NFAT5: variants seen among roughly 807,000 people sequenced by gnomAD.
NFAT5 encodes the protein nuclear factor of activated T cells 5, also known as nuclear factor of activated T-cells 5.
Under a neutral mutation model 166.5 loss-of-function variants are expected in NFAT5, and 31 were observed. The ratio of observed to expected loss-of-function variants is 0.19; its 90% CI spans 0.14 to 0.25. The LOEUF is 0.25. Among genes scored for constraint, NFAT5 ranks in the 10% least tolerant of loss-of-function variants. The pLI is 1.00. For synonymous variants in NFAT5, 612 were observed against 639.7 expected (o/e 0.96, Z 0.65); for missense variants, 1,449 against 1,821.8 (o/e 0.80, Z 3.72).
In NFAT5 at chr16:69,693,728, G is replaced by T. The variant is rs147609630; in HGVS notation, c.3903G>T (p.Lys1301Asn). ...CCATGGCTACAATGGCGTCTCCAAA[G>T]CAACCACCACCAAACATGATATTCA... is the stretch of plus-strand genomic sequence containing the variant. ...QNTMATMASP[K>N]QPPPNMIFNP... is the part of the protein sequence containing the mutation. Residue 1301 changes from lysine to asparagine, a missense_variant, in exon 13 of 15, where the codon AAG becomes AAT. Lys to Asn is a moderately conservative substitution (Grantham distance 94, BLOSUM62 0). Around this residue, in one of 7 missense-constraint regions of NFAT5, gnomAD observed 891 missense variants for 993.0 expected, o/e 0.90. Transcript: ENST00000349945. 1.2e-6 allele frequency: 2 copies of T among 1,614,170 alleles called. No individual in the cohort carries two copies. The highest frequency in any genetic ancestry group is 1.7e-6 in the Non-Finnish European group (2 of 1,180,034).
At chr16:69,594,251 G>A (rs2032652111) in intron 2 of NFAT5, among the ~76,000 whole-genome samples, 1 of 152,180 alleles carries the variant, frequency 6.6e-6, no homozygotes, top group Non-Finnish European at 1.5e-5. Flanking sequence ...GATTTAGCCT[G>A]TTGCTCCTAG....
chr16:69,581,539 G>A (rs1226590047), intron 2 of NFAT5, among the ~76,000 whole-genome samples: 1 of 152,108 alleles, frequency 6.6e-6, no homozygotes, highest in African/African-American at 2.4e-5. Context: ...CATGATGGCT[G>A]CACCATTTTT....
intron 2 of NFAT5, among the ~76,000 whole-genome samples, chr16:69,573,869 CT>C (rs774086026): frequency 0.37 from 41,545 of 111,652 alleles, 6,086 homozygotes; most frequent in East Asian, 0.55. Context: ...AAAACAGCCA[CT>C]TTTTTTTTTT....
At chr16:69,675,189 A>G (rs2036783250) in intron 9 of NFAT5, among the ~76,000 whole-genome samples, 1 of 152,246 alleles carries the variant, frequency 6.6e-6, no homozygotes, top group African/African-American at 2.4e-5. Flanking sequence ...AAGCAAGTAG[A>G]GTAAAAGTAT....
intron 5 of NFAT5, among the ~76,000 whole-genome samples, chr16:69,654,902 A>G (rs765609578): frequency 7.9e-5 from 12 of 152,228 alleles, no homozygotes; most frequent in Non-Finnish European, 1.5e-4. Flanking sequence ...AGGAGCTTCA[A>G]TGTTTAACTA....
chr16:69,656,025 A>T (rs1432431067), intron 6 of NFAT5, among the ~76,000 whole-genome samples: 3 of 152,170 alleles, frequency 2.0e-5, no homozygotes, highest in Non-Finnish European at 4.4e-5. Context: ...TCATGCCTAT[A>T]ATCCCAGTGC....
chr16:69,573,651 C>G (rs1484865717), intron 2 of NFAT5, among the ~76,000 whole-genome samples: 1 of 151,942 alleles, frequency 6.6e-6, no homozygotes, highest in East Asian at 1.9e-4. Context: ...TTTTTGTGTC[C>G]CTTCCTAAAC....
At chr16:69,648,446 C>T (rs762651611) in intron 4 of NFAT5, 14 of 983,512 alleles carry the variant, frequency 1.4e-5, no homozygotes, top group Non-Finnish European at 1.4e-5. Flanking sequence ...TGTACAGAGT[C>T]GATATTTTTT....
chr16:69,590,235 C>T (rs914074449), intron 2 of NFAT5, among the ~76,000 whole-genome samples: 2 of 152,072 alleles, frequency 1.3e-5, no homozygotes, highest in African/African-American at 2.4e-5. Flanking sequence ...TGAGTACAGA[C>T]GTTGAGTCCT....
chr16:69,689,326 A>C (rs1309427046), intron 11 of NFAT5, among the ~76,000 whole-genome samples: 1 of 152,226 alleles, frequency 6.6e-6, no homozygotes, highest in Non-Finnish European at 1.5e-5. Context: ...TATTGGTATT[A>C]GAATTTAGGT....
intron 9 of NFAT5, among the ~76,000 whole-genome samples, chr16:69,670,548 A>G (rs1555530978): frequency 6.6e-6 from 1 of 152,208 alleles, no homozygotes; most frequent in Non-Finnish European, 1.5e-5. Flanking sequence ...CTTTCCTGAT[A>G]CTTATTTTCT....
intron 2 of NFAT5, among the ~76,000 whole-genome samples, chr16:69,579,294 A>G (rs1458392323): frequency 1.3e-5 from 2 of 152,216 alleles, no homozygotes; most frequent in East Asian, 1.9e-4. Flanking sequence ...GGATGGGAAA[A>G]TAAACACAGA....
chr16:69,588,980 C>CTTTTTTTTTTTTTTTTTTTTT (rs945918292), intron 2 of NFAT5, among the ~76,000 whole-genome samples: 1 of 34,368 alleles, frequency 2.9e-5, no homozygotes, highest in Non-Finnish European at 6.3e-5. Flanking sequence ...TTTCCTACTT[C>CTTTTTTTTTTTTTTTTTTTTT]TTTTTTTTTT....
At chr16:69,605,899 G>C (rs1196911044) in intron 2 of NFAT5, among the ~76,000 whole-genome samples, 2 of 152,106 alleles carry the variant, frequency 1.3e-5, no homozygotes, top group Non-Finnish European at 2.9e-5. Flanking sequence ...ATTTTTAGTA[G>C]AGACGGGGTT....
At chr16:69,624,323 G>T (rs568908265) in intron 2 of NFAT5, among the ~76,000 whole-genome samples, 1 of 151,472 alleles carries the variant, frequency 6.6e-6, no homozygotes, top group South Asian at 2.1e-4. Context: ...CTCCTGCCTC[G>T]GCCTCCCGAG....
chr16:69,690,711 T>G (rs2037511377), intron 11 of NFAT5: 2 of 268,504 alleles, frequency 7.4e-6, no homozygotes, highest in Non-Finnish European at 1.4e-5. Context: ...CTGCTTAAGC[T>G]TATTATTAAT....
intron 7 of NFAT5, among the ~76,000 whole-genome samples, chr16:69,663,044 T>G: frequency 6.6e-6 from 1 of 151,676 alleles, no homozygotes; most frequent in African/African-American, 2.4e-5. Flanking sequence ...AAATGAGAGG[T>G]AAAAAGGAAA....
intron 11 of NFAT5, among the ~76,000 whole-genome samples, chr16:69,688,195 T>C (rs1386825607): frequency 1.5e-5 from 1 of 67,638 alleles, no homozygotes; most frequent in Admixed American, 1.7e-4. Flanking sequence ...AGAGCGAGAC[T>C]CCGTCTCAAA....
chr16:69,649,887 T>G (rs1436657950), intron 4 of NFAT5, among the ~76,000 whole-genome samples: 1 of 151,906 alleles, frequency 6.6e-6, no homozygotes, highest in Non-Finnish European at 1.5e-5. Flanking sequence ...AGATACCACA[T>G]AGAAATCTGA....
Sources: gnomAD v4.1 joint callset for allele counts (sites outside exome capture counted in the v4.1 genomes callset) on GRCh38, gnomAD v4.1.1 for gene constraint, gnomAD v4.1.1 regional missense constraint, MANE v1.5 for transcripts, NCBI Gene and HGNC (gene_info 2026-07-23, HGNC 2026-07-21) for gene names.